DFFB: variants seen among roughly 807,000 people sequenced by gnomAD.
The protein encoded by DFFB is DNA fragmentation factor 40 kDa subunit.
A neutral mutation model predicts 32.7 loss-of-function variants in DFFB; 29 were observed. The ratio of observed to expected loss-of-function variants is 0.89; its 90% CI spans 0.66 to 1.21. The LOEUF is 1.21. Ranked by LOEUF, DFFB falls within the 50% of genes most tolerant of loss-of-function variation. DFFB has a pLI of 0.00. For missense variants in DFFB, 398 were observed against 440.6 expected (o/e 0.90, Z 0.87); for synonymous variants, 170 against 177.1 (o/e 0.96, Z 0.32).
intron 5 of DFFB, among the ~76,000 whole-genome samples, chr1:3,870,544 GTACT>G (rs1557718761): frequency 6.6e-6 from 1 of 152,246 alleles, no homozygotes; most frequent in Non-Finnish European, 1.5e-5. Context: ...CACTCAGTGA[GTACT>G]TACTTTGTGC....
intron 6 of DFFB, among the ~76,000 whole-genome samples, chr1:3,882,783 T>C (rs981164517): frequency 1.3e-5 from 2 of 152,158 alleles, no homozygotes; most frequent in African/African-American, 4.8e-5. Context: ...GGACATAAGA[T>C]TACAAGTGGT....
intron 6 of DFFB, among the ~76,000 whole-genome samples, chr1:3,882,654 T>C (rs969530383): frequency 4.6e-5 from 7 of 151,894 alleles, no homozygotes; most frequent in African/African-American, 1.2e-4. Context: ...TGTGAGCCAC[T>C]GCGCCTGGCC....
At chr1:3,872,211 G>A (rs948035278) in intron 5 of DFFB, among the ~76,000 whole-genome samples, 1 of 152,120 alleles carries the variant, frequency 6.6e-6, no homozygotes, top group Non-Finnish European at 1.5e-5. Flanking sequence ...TCAAGAGATC[G>A]AGACCATCCT....
Position 3,868,742 on chromosome 1 carries a change from G to A in DFFB, c.510+689G>A, listed in dbSNP as rs567024347. 2.5e-3 allele frequency among the ~76,000 whole-genome samples: 48 copies of A among 19,534 alleles called. 1 individual carries two copies. The East Asian group carries it at 0.053, about 22-fold the overall frequency. 12.8% of individuals were successfully genotyped at this position (19,534 alleles called of 152,430 possible). On this transcript the variant is annotated intron_variant, in intron 4 of 6. Transcript: ENST00000378209. The stretch of plus-strand genomic sequence containing the variant: ...ACGTCATTCCACACCATGCCACACC[G>A]CATCATTAGCACATGGAGGGTGCTG...
At chr1:3,881,853 G>C (rs1283251094) in intron 6 of DFFB, among the ~76,000 whole-genome samples, 1 of 145,930 alleles carries the variant, frequency 6.9e-6, no homozygotes. Context: ...CTGGGTGACA[G>C]AGCAAGACTC....
chr1:3,883,341 G>A (rs1319669255), intron 6 of DFFB, among the ~76,000 whole-genome samples, 166 bp from the exon 7 acceptor site: 1 of 152,232 alleles, frequency 6.6e-6, no homozygotes, highest in Non-Finnish European at 1.5e-5. Context: ...GAGCCAGGCT[G>A]CTTGCATCAG....
intron 6 of DFFB, among the ~76,000 whole-genome samples, chr1:3,881,712 A>G (rs1051638955): frequency 6.6e-6 from 1 of 152,202 alleles, no homozygotes; most frequent in African/African-American, 2.4e-5. Context: ...CAAAATACAA[A>G]TACAAAAATT....
At chr1:3,871,873 C>T (rs10909816) in intron 5 of DFFB, among the ~76,000 whole-genome samples, 9 of 152,042 alleles carry the variant, frequency 5.9e-5, no homozygotes, top group South Asian at 2.1e-4. Flanking sequence ...GCACATCTCA[C>T]GTGCGGGGAG....
Position 3,884,904 on chromosome 1 carries a change from A to C in DFFB, c.*1163A>C, listed in dbSNP as rs971531126. On this transcript the variant is annotated 3_prime_UTR_variant, in exon 7 of 7. Transcript: ENST00000378209. Reference sequence around the variant, plus strand: ...TGTTTATAATGGCAAGAAATAGGAAACCCCCCAATGTCTGTTGAACAGCTA... The same window carrying C: ...TGTTTATAATGGCAAGAAATAGGAACCCCCCCAATGTCTGTTGAACAGCTA... 3 of 151,978 alleles carry C rather than the reference A, an allele frequency of 2.0e-5. No homozygotes were observed. Among genetic ancestry groups the C allele is most frequent in the African/African-American group, 7.3e-5 (3 of 41,350 alleles). 9.4% of individuals were successfully genotyped at this position (151,978 alleles called of 1,614,324 possible). A position where few individuals can be genotyped will look rare whatever the true frequency, so the allele number is the denominator to read the frequency against.
rs1039823581 is a variant in DFFB at position 3,872,462 on chromosome 1, T to C, written c.682-10T>C. ...TTTCTGGCCTTCCCTCATTGTCTTT[T>C]GGCCCCCAGGGTCCCTTTGACATGG... On this transcript the variant is annotated splice_polypyrimidine_tract_variant and intron_variant, in intron 5 of 6. Coordinates refer to ENST00000378209, the MANE Select transcript of DFFB (RefSeq NM_004402.4). 2 of 1,610,050 alleles carry C rather than the reference T, an allele frequency of 1.2e-6. No individual in the cohort carries two copies. The highest frequency in any genetic ancestry group is 1.7e-6 in the Non-Finnish European group (2 of 1,176,704).
At chr1:3,881,671 C>T (rs1037173650) in intron 6 of DFFB, among the ~76,000 whole-genome samples, 2 of 150,852 alleles carry the variant, frequency 1.3e-5, no homozygotes, top group Admixed American at 6.6e-5. Flanking sequence ...CCAGCCTGGC[C>T]AACACGGTGA....
chr1:3,860,386 C>T (rs1211617298), intron 2 of DFFB: 1 of 407,420 alleles, frequency 2.5e-6, no homozygotes, highest in Admixed American at 2.5e-5. Context: ...ATTACCACGT[C>T]TGGCTAATTG....
At chr1:3,868,096 A>G in intron 4 of DFFB, 43 bp downstream of exon 4, 1 of 1,575,478 alleles carries the variant, frequency 6.3e-7, no homozygotes, top group South Asian at 1.1e-5. Context: ...GGGTTTTTGA[A>G]GCCAGGCTCT....
At position 3,867,618 on chromosome 1, in the gene DFFB, C is replaced by T. The variant is rs190780441; in HGVS notation, c.431-356C>T. On this transcript the variant is annotated intron_variant, in intron 3 of 6. Transcript: ENST00000378209. ...CTATAATCCTAGCACTTTGGGAGGCCGAGGCTGGAAGACAGCTTGAGCCCT... is the reference window on the plus strand; with the variant it reads ...CTATAATCCTAGCACTTTGGGAGGCTGAGGCTGGAAGACAGCTTGAGCCCT... The T allele has an allele frequency of 2.5e-3, 606 of 239,998 alleles. 1 individual carries two copies. Among genetic ancestry groups the T allele is most frequent in the African/African-American group, 0.013 (571 of 45,098 alleles). The allele number at this position is 239,998 out of a possible 1,614,324, so 14.9% of individuals were successfully genotyped here. A position where few individuals can be genotyped will look rare whatever the true frequency, so the allele number is the denominator to read the frequency against.
At chr1:3,879,769 C>T (rs563754143) in intron 6 of DFFB, among the ~76,000 whole-genome samples, 1 of 152,092 alleles carries the variant, frequency 6.6e-6, no homozygotes, top group African/African-American at 2.4e-5. Context: ...TCATTCTGTC[C>T]GCTGAGTACA....
Position 3,884,272 on chromosome 1 carries a change from G to C in DFFB, c.*531G>C, listed in dbSNP as rs138425140. On this transcript the variant is annotated 3_prime_UTR_variant, in exon 7 of 7. Transcript: ENST00000378209. ...GATGTCTGTGAGTACCTGGTCATAC[G>C]GGTCAGTAGGGATAAGAATTGTCTC... 52 of 162,366 alleles carry C rather than the reference G, an allele frequency of 3.2e-4. No individual in the cohort carries two copies. The highest frequency in any genetic ancestry group is 1.1e-3 in the African/African-American group (45 of 41,646). The allele number at this position is 162,366 out of a possible 1,614,324, so 10.1% of individuals were successfully genotyped here. A position where few individuals can be genotyped will look rare whatever the true frequency, so the allele number is the denominator to read the frequency against.
intron 6 of DFFB, among the ~76,000 whole-genome samples, chr1:3,875,520 C>T (rs1645205213): frequency 6.6e-6 from 1 of 152,140 alleles, no homozygotes; most frequent in African/African-American, 2.4e-5. Flanking sequence ...TCATGCTTTC[C>T]CGGGTTCTTG....
rs1481807390 is a variant in DFFB, at chr1:3,865,373, G to T, written c.242-439G>T. On this transcript the variant is annotated intron_variant, in intron 2 of 6. Transcript: ENST00000378209. The surrounding 1 kb of genome is among the most constrained non-coding windows in gnomAD (Gnocchi z 4.7). ...TAACATTTTGTTAAGGTCCTGGGTA[G>T]ACTTTGCTTTAACTTCCTATTAAGA... Among the ~76,000 whole-genome samples the T allele has an allele frequency of 6.6e-6, 1 of 152,200 alleles. No homozygotes were observed. Among genetic ancestry groups the T allele is most frequent in the Non-Finnish European group, 1.5e-5 (1 of 68,042 alleles).
intron 4 of DFFB, 79 bp from the exon 5 acceptor site, chr1:3,869,526 G>A: frequency 4.2e-6 from 6 of 1,436,880 alleles, no homozygotes; most frequent in Non-Finnish European, 5.7e-6. Context: ...AGAGGGCCAT[G>A]GAGTGAGATG....
Sources: allele counts gnomAD v4.1 joint callset (sites outside exome capture counted in the v4.1 genomes callset), GRCh38; gene constraint gnomAD v4.1.1; non-coding constraint Gnocchi (gnomAD v3.1); transcripts MANE v1.5; gene names NCBI Gene and HGNC (gene_info 2026-07-23, HGNC 2026-07-21).